NCOR1: variants seen among roughly 807,000 people sequenced by gnomAD.
NCOR1 encodes the protein nuclear receptor corepressor 1.
A neutral mutation model predicts 288.1 loss-of-function variants in NCOR1; 63 were observed. That is an observed-to-expected ratio of 0.22 (90% CI 0.18 to 0.27). NCOR1 has a LOEUF of 0.27. NCOR1 is among the 10% of genes least tolerant of loss of function. The pLI, the probability that NCOR1 is intolerant of heterozygous loss-of-function variation, is 1.00. For missense variants in NCOR1, 2,397 were observed against 3,019.2 expected, an observed-to-expected ratio of 0.79 and a Z score of 4.83; for synonymous variants, 1,007 against 1,065.9, an observed-to-expected ratio of 0.94 and a Z score of 1.08.
At chr17:16,168,339 T>TA (rs1017176817) in intron 4 of NCOR1, among the ~76,000 whole-genome samples, 73 of 152,240 alleles carry the variant, frequency 4.8e-4, no homozygotes, top group African/African-American at 1.7e-3. Context: ...TAGCTGGGAT[T>TA]ACAGGCGCCT....
intron 16 of NCOR1, among the ~76,000 whole-genome samples, chr17:16,120,390 T>G (rs1362175187): frequency 6.6e-6 from 1 of 152,126 alleles, no homozygotes; most frequent in African/African-American, 2.4e-5. Flanking sequence ...CATCATGACC[T>G]GCCCCAACCT....
Position 16,086,441 on chromosome 17 carries a change from G to A in NCOR1, c.3018C>T (p.Val1006=). 1 of 1,608,992 alleles carries A rather than the reference G, an allele frequency of 6.2e-7. No individual in the cohort carries two copies. Among genetic ancestry groups the A allele is most frequent in the Non-Finnish European group, 8.5e-7 (1 of 1,176,370 alleles). ...TCACTTGATGTGGAGCAGGCTGAAG[G>A]ACTTTTAAAAGGAAAGAAAAATGAT... ...TSKSPNREWE[V]LQPAPHQVIT... is the part of the protein sequence containing the mutation. Residue 1006 remains valine, a splice_region_variant and synonymous_variant, in exon 23 of 46, where the codon GTC becomes GTT. Coordinates refer to ENST00000268712, the MANE Select transcript of NCOR1 (RefSeq NM_006311.4).
chr17:16,151,210 T>A (rs2324144), intron 8 of NCOR1, among the ~76,000 whole-genome samples: 61,288 of 150,462 alleles, frequency 0.41, 13,943 homozygotes, highest in Non-Finnish European at 0.51. Context: ...ATTTTTTTTT[T>A]AAAAAAAAGA....
intron 25 of NCOR1, 102 bp from the exon 26 acceptor site, chr17:16,080,166 G>GA (rs1232415464): frequency 5.2e-6 from 5 of 969,808 alleles, no homozygotes; most frequent in Non-Finnish European, 7.7e-6. Context: ...AAGAAGAAAA[G>GA]AAAAAAGCAG....
At chr17:16,133,615 T>C (rs1478736580) in intron 14 of NCOR1, among the ~76,000 whole-genome samples, 2 of 152,234 alleles carry the variant, frequency 1.3e-5, no homozygotes, top group Non-Finnish European at 2.9e-5. Context: ...ACCTTTTTTC[T>C]ATATAGCAAA....
intron 21 of NCOR1, among the ~76,000 whole-genome samples, chr17:16,095,943 G>C (rs376305685): frequency 3.5e-4 from 53 of 152,208 alleles, no homozygotes; most frequent in Middle Eastern, 3.4e-3. Context: ...TGTGTAGAAA[G>C]TAGTAGACAT....
chr17:16,127,757 ATATC>A lies in NCOR1; in HGVS notation c.1510-1555_1510-1552del, dbSNP rs1157768123. Among the ~76,000 whole-genome samples, 109 of 103,188 alleles carry A rather than the reference ATATC, an allele frequency of 1.1e-3. 5 individuals carry two copies. The highest frequency in any genetic ancestry group is 3.0e-3 in the African/African-American group (88 of 28,940). 67.7% of individuals were successfully genotyped at this position (103,188 alleles called of 152,430 possible). A position where few individuals can be genotyped will look rare whatever the true frequency, so the allele number is the denominator to read the frequency against. On this transcript the variant is annotated intron_variant, in intron 14 of 45. Transcript: ENST00000268712. ...TATATATGTGTGGAGATATATATAT[ATATC>A]TCTCATAGTATATTAGGGTTCGGTA...
At chr17:16,069,554 A>G (rs2061506407) in intron 31 of NCOR1, among the ~76,000 whole-genome samples, 1 of 152,256 alleles carries the variant, frequency 6.6e-6, no homozygotes, top group Admixed American at 6.5e-5. Context: ...TGCCAGTAGC[A>G]TGGGGTTATA....
chr17:16,117,223 T>C (rs185854170), intron 18 of NCOR1, among the ~76,000 whole-genome samples: 64 of 152,292 alleles, frequency 4.2e-4, no homozygotes, highest in African/African-American at 1.5e-3. Context: ...AAGTTTTCAA[T>C]TCAATCTCCA....
intron 43 of NCOR1, chr17:16,040,156 A>G (rs1336517133): frequency 1.5e-5 from 8 of 548,806 alleles, no homozygotes; most frequent in Non-Finnish European, 2.8e-5. Flanking sequence ...TCAGTCACCC[A>G]CACTTCTATT....
At chr17:16,103,892 CCCAG>C (rs1420635978) in intron 19 of NCOR1, among the ~76,000 whole-genome samples, 1 of 152,194 alleles carries the variant, frequency 6.6e-6, no homozygotes, top group East Asian at 1.9e-4. Context: ...TGCCTGTGCT[CCCAG>C]CTACTTGGGA....
intron 19 of NCOR1, among the ~76,000 whole-genome samples, chr17:16,106,366 GAAGGTTTCC>G (rs2068624567): frequency 6.6e-6 from 1 of 151,832 alleles, no homozygotes; most frequent in African/African-American, 2.4e-5. Context: ...AAAAGAGTAG[GAAGGTTTCC>G]AAGGCATAAT....
At chr17:16,196,593 A>G (rs2089852437) in intron 1 of NCOR1, among the ~76,000 whole-genome samples, 1 of 152,186 alleles carries the variant, frequency 6.6e-6, no homozygotes, top group South Asian at 2.1e-4. Context: ...TGGGAGGCCA[A>G]GGCGGGTGGA....
intron 18 of NCOR1, among the ~76,000 whole-genome samples, chr17:16,110,120 T>C (rs2069710534): frequency 6.6e-6 from 1 of 152,140 alleles, no homozygotes; most frequent in Admixed American, 6.6e-5. Context: ...TTTGGGAGAC[T>C]GAGGTGGGAG....
intron 19 of NCOR1, among the ~76,000 whole-genome samples, chr17:16,106,923 C>T (rs1316278298): frequency 5.5e-5 from 6 of 108,708 alleles, no homozygotes; most frequent in Admixed American, 4.0e-4. Context: ...GAGACAGTCT[C>T]GCTCTGTCGC....
chr17:16,141,616 T>C (rs1295826928), intron 11 of NCOR1, among the ~76,000 whole-genome samples: 1 of 152,158 alleles, frequency 6.6e-6, no homozygotes, highest in Non-Finnish European at 1.5e-5. Flanking sequence ...ACAACATATA[T>C]CAACACAAAG....
rs1316501740 is a variant in NCOR1 at position 16,057,648 on chromosome 17, A to G, written c.6258T>C (p.Ser2086=). Residue 2086 remains serine, a synonymous_variant, in exon 40 of 46, where the codon TCT becomes TCC. Coordinates refer to ENST00000268712, the MANE Select transcript of NCOR1 (RefSeq NM_006311.4). ...PPTSTFQNSP[S]ALVSTPVRTK... ...TCCTCACAGGTGTAGATACCAAAGC[A>G]GAAGGTGAGTTCTGGAATGTAGAAG... is the stretch of plus-strand genomic sequence containing the variant. 3 of 1,613,844 alleles carry G rather than the reference A, an allele frequency of 1.9e-6. No homozygotes were observed. Among genetic ancestry groups the G allele is most frequent in the East Asian group, 2.2e-5 (1 of 44,854 alleles).
At chr17:16,195,982 T>C (rs2089694949) in intron 1 of NCOR1, among the ~76,000 whole-genome samples, 2 of 151,610 alleles carry the variant, frequency 1.3e-5, no homozygotes, top group African/African-American at 4.8e-5. Flanking sequence ...ATCTTAATTA[T>C]ATATAAAACT....
intron 14 of NCOR1, among the ~76,000 whole-genome samples, chr17:16,134,517 T>C (rs544354988): frequency 2.0e-5 from 3 of 152,302 alleles, no homozygotes; most frequent in African/African-American, 7.2e-5. Flanking sequence ...GACAGGTACT[T>C]TGAAACATGC....
Sources: gnomAD v4.1 joint callset for allele counts (sites outside exome capture counted in the v4.1 genomes callset) on GRCh38, gnomAD v4.1.1 for gene constraint, MANE v1.5 for transcripts, NCBI Gene and HGNC (gene_info 2026-07-23, HGNC 2026-07-21) for gene names.